Variants in ADGRV1 observed in about 807,000 individuals in gnomAD.
The protein encoded by ADGRV1 is adhesion G protein-coupled receptor V1, also known as G-protein coupled receptor 98.
In ADGRV1, 359 loss-of-function variants were observed where a neutral mutation model predicts 596.2. That is an observed-to-expected ratio of 0.60 (90% CI 0.55 to 0.66). The LOEUF is 0.66. ADGRV1 is among the 30% of genes least tolerant of loss of function. The probability of loss-of-function intolerance (pLI) is 0.00; values close to 1 mark genes in which losing one functional copy is unlikely to be tolerated. For synonymous variants in ADGRV1, 2,681 were observed against 2,679.2 expected, an observed-to-expected ratio of 1.00 and a Z score of -0.02; for missense variants, 7,274 against 7,575.6, an observed-to-expected ratio of 0.96 and a Z score of 1.48.
At chr5:91,085,108 T>G (rs1486526757) in intron 86 of ADGRV1, among the ~76,000 whole-genome samples, 2 of 152,144 alleles carry the variant, frequency 1.3e-5, no homozygotes, top group African/African-American at 2.4e-5. Flanking sequence ...AAGGATAGCA[T>G]TAGGAGAAAT....
rs527882276 is a variant in ADGRV1 at position 90,702,148 on chromosome 5, A to G, written c.8156-1517A>G. Among the ~76,000 whole-genome samples the G allele has an allele frequency of 5.3e-5, 8 of 151,974 alleles. No homozygotes were observed. In the East Asian group the frequency reaches 1.5e-3, roughly 29 times the overall value. On this transcript the variant is annotated intron_variant, in intron 34 of 89. Coordinates refer to ENST00000405460, the MANE Select transcript of ADGRV1 (RefSeq NM_032119.4). ...AAACTTGCTCTATAAGAAATTCTAT[A>G]TATTGTACAATAGAGAGACACCAGA...
rs143688712 is a variant in ADGRV1 at position 91,082,373 on chromosome 5, A to T, written c.18310+9769A>T. On this transcript the variant is annotated intron_variant, in intron 86 of 89. Transcript: ENST00000405460. ...ACAGAGTCTTACTGTATTGCCCAGG[A>T]TGGAGTGCCGTGGCACAATCATAGC... Among the ~76,000 whole-genome samples, 1,048 of 152,184 alleles carry T rather than the reference A, an allele frequency of 6.9e-3. 5 individuals carry two copies. Among genetic ancestry groups the T allele is most frequent in the Admixed American group, 0.013 (194 of 15,270 alleles).
At chr5:90,807,131 G>A (rs780233200) in intron 72 of ADGRV1, among the ~76,000 whole-genome samples, 41 of 152,292 alleles carry the variant, frequency 2.7e-4, no homozygotes, top group Admixed American at 9.8e-4. Flanking sequence ...GATTACAGGC[G>A]TGAGCCACTG....
In ADGRV1 at chr5:90,982,872, G is replaced by C. The variant is rs1448086574; in HGVS notation, c.17974-2472G>C. On this transcript the variant is annotated intron_variant, in intron 84 of 89. Transcript: ENST00000405460. Reference sequence around the variant, plus strand: ...GGTTAGAGAGGCAGGGTTTGGAAAAGGGCTGCTCATGAGCTAGGCATTTGT... The same window carrying C: ...GGTTAGAGAGGCAGGGTTTGGAAAACGGCTGCTCATGAGCTAGGCATTTGT... Among the ~76,000 whole-genome samples the C allele has an allele frequency of 2.0e-5, 3 of 152,130 alleles. 1 individual carries two copies. The highest frequency in any genetic ancestry group is 7.2e-5 in the African/African-American group (3 of 41,438).
chr5:90,875,699 G>A (rs1769156452), intron 83 of ADGRV1, among the ~76,000 whole-genome samples: 1 of 152,200 alleles, frequency 6.6e-6, no homozygotes, highest in Non-Finnish European at 1.5e-5. Context: ...TGGTCACAGA[G>A]TGTGCAAAGA....
At chr5:91,018,375 A>G (rs1783349473) in intron 85 of ADGRV1, among the ~76,000 whole-genome samples, 1 of 151,968 alleles carries the variant, frequency 6.6e-6, no homozygotes, top group Non-Finnish European at 1.5e-5. Context: ...TGCCTTTGGT[A>G]AACTGGATAT....
intron 86 of ADGRV1, among the ~76,000 whole-genome samples, chr5:91,076,837 T>C (rs2126468668): frequency 1.3e-5 from 2 of 152,288 alleles, no homozygotes; most frequent in South Asian, 4.1e-4. Context: ...AAAATTTCTT[T>C]TTTTTTCTTT....
chr5:90,692,872 A>C (rs1204727187), intron 32 of ADGRV1, 86 bp downstream of exon 32: 2 of 1,058,676 alleles, frequency 1.9e-6, no homozygotes, highest in South Asian at 3.6e-5. Context: ...TAAATCATTT[A>C]GGTTTTGTGG....
Position 90,810,502 on chromosome 5 carries a change from A to G in ADGRV1, c.15242A>G (p.Asp5081Gly), listed in dbSNP as rs1762338510. ...EVDFEITIIN[D>G]QLSEIEEFFY... ...GATTTTGAAATAACCATTATTAATGATCAGCTTTCTGAGATAGAAGAATTT... is the reference window on the plus strand; with the variant it reads ...GATTTTGAAATAACCATTATTAATGGTCAGCTTTCTGAGATAGAAGAATTT... Residue 5081 changes from aspartate (D) to glycine (G), a missense_variant, in exon 74 of 90, where the codon GAT becomes GGT. By Grantham distance (94) the Asp-to-Gly change is moderately conservative (BLOSUM62 -1). Coordinates refer to ENST00000405460, the MANE Select transcript of ADGRV1 (RefSeq NM_032119.4). The G allele has an allele frequency of 1.2e-6, 2 of 1,613,964 alleles. No individual in the cohort carries two copies. The highest frequency in any genetic ancestry group is 1.7e-6 in the Non-Finnish European group (2 of 1,179,832).
Position 91,163,864 on chromosome 5 carries a change from G to A in ADGRV1, c.18885G>A (p.Glu6295=), listed in dbSNP as rs1374264784. The A allele has an allele frequency of 4.4e-6, 7 of 1,603,014 alleles. No individual in the cohort carries two copies. In the South Asian group the frequency reaches 5.6e-5, roughly 13 times the overall value. The part of the protein sequence containing the change: ...GGTLTDSQIV[E]LRRIPIADTH... ...CCTTGACTGACTCCCAGATCGTGGAGCTCAGGAGGATACCCATCGCCGACA... is the reference window on the plus strand; with the variant it reads ...CCTTGACTGACTCCCAGATCGTGGAACTCAGGAGGATACCCATCGCCGACA... Residue 6295 remains glutamate, a synonymous_variant, in exon 90 of 90, where the codon GAG becomes GAA. Coordinates refer to ENST00000405460, the MANE Select transcript of ADGRV1 (RefSeq NM_032119.4).
At chr5:90,978,690 C>G (rs1424038637) in intron 84 of ADGRV1, among the ~76,000 whole-genome samples, 1 of 151,882 alleles carries the variant, frequency 6.6e-6, no homozygotes, top group Non-Finnish European at 1.5e-5. Context: ...TCACACTTAC[C>G]CCATAAATAT....
chr5:90,805,371 G>GCT lies in ADGRV1; in HGVS notation c.14755_14756dup (p.Val4920ArgfsTer12). On this transcript the variant is annotated frameshift_variant, in exon 72 of 90. Coordinates refer to ENST00000405460, the MANE Select transcript of ADGRV1 (RefSeq NM_032119.4). LOFTEE classifies it high-confidence loss of function. ...GATTTCTAGGAGAGGCACATATGGA[G>GCT]CTCTCTCGGTTGCCTGGACCACTGG... The GCT allele has an allele frequency of 6.2e-7, 1 of 1,611,938 alleles. No individual in the cohort carries two copies. The highest frequency in any genetic ancestry group is 8.5e-7 in the Non-Finnish European group (1 of 1,178,292).
chr5:90,958,951 C>T lies in ADGRV1; in HGVS notation c.17857-6464C>T, dbSNP rs564724770. Among the ~76,000 whole-genome samples, 15 of 152,220 alleles carry T rather than the reference C, an allele frequency of 9.9e-5. No individual in the cohort carries two copies. In the South Asian group the frequency reaches 3.1e-3, roughly 32 times the overall value. On this transcript the variant is annotated intron_variant, in intron 83 of 89. Coordinates refer to ENST00000405460, the MANE Select transcript of ADGRV1 (RefSeq NM_032119.4). The stretch of plus-strand genomic sequence containing the variant: ...AAACAAAGATGTTCATTTTTGCCAC[C>T]TCTATTTAATAGTGTGTGTTTATGT...
At chr5:90,616,685 A>G (rs1041588139) in intron 2 of ADGRV1, among the ~76,000 whole-genome samples, 3 of 152,242 alleles carry the variant, frequency 2.0e-5, no homozygotes, top group Non-Finnish European at 4.4e-5. Flanking sequence ...AATATCCCCA[A>G]TGATCCCCAA....
intron 83 of ADGRV1, among the ~76,000 whole-genome samples, chr5:90,954,998 A>G (rs367661430): frequency 9.2e-4 from 140 of 152,260 alleles, no homozygotes; most frequent in African/African-American, 3.2e-3. Flanking sequence ...ATGACAGTGA[A>G]GCCCTCATGA....
chr5:90,559,037 G>C (rs1412205216), intron 1 of ADGRV1, 120 bp downstream of exon 1: 2 of 852,948 alleles, frequency 2.3e-6, no homozygotes, highest in Non-Finnish European at 3.3e-6. Context: ...GGCCACAGCC[G>C]GGCCCAGGGA....
Position 90,789,789 on chromosome 5 carries a change from G to C in ADGRV1, c.13981G>C (p.Glu4661Gln). ...KKTYSEPLAL[E>Q]GPLLITFFVR... ...GACTTATTCAGAGCCTCTGGCTCTG[G>C]AAGGGCCCCTGCTCATTACCTTCTT... is the stretch of plus-strand genomic sequence containing the variant. The change falls in exon 69 of 90, where the codon GAA becomes CAA. Residue 4661 changes from glutamate (E) to glutamine (Q), a missense_variant. By Grantham distance (29) the Glu-to-Gln change is conservative (BLOSUM62 2). Transcript: ENST00000405460. The C allele has an allele frequency of 6.5e-7, 1 of 1,542,176 alleles. No individual in the cohort carries two copies. The highest frequency in any genetic ancestry group is 8.8e-7 in the Non-Finnish European group (1 of 1,140,660).
chr5:90,617,509 C>G lies in ADGRV1; in HGVS notation c.208-295C>G, dbSNP rs575263797. 358 of 198,276 alleles carry G rather than the reference C, an allele frequency of 1.8e-3. 4 individuals are homozygous for G. The highest frequency in any genetic ancestry group is 5.9e-3 in the Middle Eastern group (3 of 508). 12.3% of individuals were successfully genotyped at this position (198,276 alleles called of 1,614,324 possible). A position where few individuals can be genotyped will look rare whatever the true frequency, so the allele number is the denominator to read the frequency against. ...ATTTTTATTAGAGATGAGGTTTCAC[C>G]ATATTGGCCAGGCTGGTCTTGAACT... On this transcript the variant is annotated intron_variant, in intron 2 of 89. Coordinates refer to ENST00000405460, the MANE Select transcript of ADGRV1 (RefSeq NM_032119.4).
intron 67 of ADGRV1, among the ~76,000 whole-genome samples, chr5:90,785,893 A>G (rs548400542): frequency 1.2e-4 from 19 of 152,282 alleles, no homozygotes; most frequent in Non-Finnish European, 2.9e-5. Flanking sequence ...CAGCCATCCC[A>G]TTACTGGGTA....
Sources: allele counts gnomAD v4.1 joint callset (sites outside exome capture counted in the v4.1 genomes callset), GRCh38; gene constraint gnomAD v4.1.1; transcripts MANE v1.5; gene names NCBI Gene and HGNC (gene_info 2026-07-23, HGNC 2026-07-21).